KDM5A: variants seen among roughly 807,000 people sequenced by gnomAD.
KDM5A encodes the protein lysine-specific demethylase 5A.
KDM5A carries 42 observed loss-of-function variants against 193.5 expected under a neutral mutation model. That is an observed-to-expected ratio of 0.22 (90% CI 0.17 to 0.28). The LOEUF is 0.28. KDM5A is among the 10% of genes least tolerant of loss of function. The probability of loss-of-function intolerance (pLI) is 1.00; values close to 1 mark genes in which losing one functional copy is unlikely to be tolerated. For missense variants in KDM5A, 1,692 were observed against 2,055.1 expected (o/e 0.82, Z 3.42); for synonymous variants, 796 against 718.1 (o/e 1.11, Z -1.73).
At chr12:336,701 C>A (rs1477819174) in intron 10 of KDM5A, among the ~76,000 whole-genome samples, 7 of 151,680 alleles carry the variant, frequency 4.6e-5, no homozygotes, top group African/African-American at 1.7e-4. Context: ...ATCAGCCAAG[C>A]GTGGTGGTGC....
intron 8 of KDM5A, among the ~76,000 whole-genome samples, chr12:352,683 T>C (rs1378049119): frequency 6.6e-6 from 1 of 152,108 alleles, no homozygotes; most frequent in Non-Finnish European, 1.5e-5. Context: ...AGGAAACAAA[T>C]GTTCATGGAG....
rs1198293084 is a variant in KDM5A at position 283,288 on chromosome 12, CTTAA to C, written c.*2164_*2167del. 3 of 231,874 alleles carry C rather than the reference CTTAA, an allele frequency of 1.3e-5. No homozygotes were observed. The highest frequency in any genetic ancestry group is 6.6e-5 in the African/African-American group (3 of 45,254). The allele number at this position is 231,874 out of a possible 1,614,324, so 14.4% of individuals were successfully genotyped here. On this transcript the variant is annotated 3_prime_UTR_variant, in exon 28 of 28. Coordinates refer to ENST00000399788, the MANE Select transcript of KDM5A (RefSeq NM_001042603.3). ...TGTATAACATCAACCAGAGGAAATT[CTTAA>C]TTGATAATCGTTAGCTTGGCAAAAC...
rs536271734 is a variant in KDM5A at position 288,598 on chromosome 12, A to C, written c.4867-2936T>G. Among the ~76,000 whole-genome samples, 5 of 152,360 alleles carry C rather than the reference A, an allele frequency of 3.3e-5. No individual in the cohort carries two copies. The Middle Eastern group carries it at 0.017, about 518-fold the overall frequency. ...GAGAATAGTACTGCACTGGGAAAAA[A>C]GAAAATCTGGTAATTTAGTGATATT... On this transcript the variant is annotated intron_variant, in intron 27 of 27. Coordinates refer to ENST00000399788, the MANE Select transcript of KDM5A (RefSeq NM_001042603.3).
intron 5 of KDM5A, among the ~76,000 whole-genome samples, chr12:357,338 C>CAAA (rs35804849): frequency 0.78 from 111,683 of 142,392 alleles, 43,768 homozygotes; most frequent in East Asian, 0.91. Flanking sequence ...CCGTTTCTAC[C>CAAA]AAAAAAAAAA....
intron 10 of KDM5A, among the ~76,000 whole-genome samples, chr12:343,303 C>A (rs369791582): frequency 6.6e-6 from 1 of 152,350 alleles, no homozygotes; most frequent in East Asian, 1.9e-4. Flanking sequence ...CACGGCAGCT[C>A]AACAAGGCCT....
chr12:373,004 T>C (rs933356496), intron 3 of KDM5A, among the ~76,000 whole-genome samples: 2 of 152,256 alleles, frequency 1.3e-5, no homozygotes, highest in Non-Finnish European at 2.9e-5. Flanking sequence ...CAGTATTTTA[T>C]TGAAGATTTT....
intron 26 of KDM5A, among the ~76,000 whole-genome samples, chr12:293,380 G>A (rs1419135238): frequency 5.9e-5 from 9 of 152,128 alleles, no homozygotes; most frequent in Non-Finnish European, 1.2e-4. Flanking sequence ...AATGAATAGT[G>A]GTGACAGTTG....
At chr12:301,062 G>C (rs1194636761) in intron 24 of KDM5A, among the ~76,000 whole-genome samples, 1 of 152,156 alleles carries the variant, frequency 6.6e-6, no homozygotes, top group Admixed American at 6.5e-5. Context: ...AAAAAGTCCA[G>C]GACCAGACAG....
intron 10 of KDM5A, among the ~76,000 whole-genome samples, chr12:338,673 C>G (rs1943963151): frequency 6.6e-6 from 1 of 152,198 alleles, no homozygotes; most frequent in Non-Finnish European, 1.5e-5. Flanking sequence ...ACAGTATCAT[C>G]TCAACATGTG....
At chr12:301,842 AT>A (rs1943445500) in intron 24 of KDM5A, among the ~76,000 whole-genome samples, 1 of 151,912 alleles carries the variant, frequency 6.6e-6, no homozygotes, top group Non-Finnish European at 1.5e-5. Flanking sequence ...TATAAAATCA[AT>A]GTGCAAAAAT....
In KDM5A at chr12:316,064, G is replaced by C. The variant is rs144345395; in HGVS notation, c.2897+2042C>G. On this transcript the variant is annotated intron_variant, in intron 19 of 27. Coordinates refer to ENST00000399788, the MANE Select transcript of KDM5A (RefSeq NM_001042603.3). ...AAAACCATTATTTTAGAGGTAGAGAGAAGGCCAAAGGCAAAGGAAGAATCT... is the reference window on the plus strand; with the variant it reads ...AAAACCATTATTTTAGAGGTAGAGACAAGGCCAAAGGCAAAGGAAGAATCT... Among the ~76,000 whole-genome samples, 452 of 152,290 alleles carry C rather than the reference G, an allele frequency of 3.0e-3. 1 individual carries two copies. Among genetic ancestry groups the C allele is most frequent in the African/African-American group, 0.01 (432 of 41,560 alleles).
At chr12:386,176 T>C (rs748333970) in intron 1 of KDM5A, among the ~76,000 whole-genome samples, 3 of 152,206 alleles carry the variant, frequency 2.0e-5, no homozygotes, top group Non-Finnish European at 2.9e-5. Context: ...TCTGAAATGC[T>C]TGGAACCAGA....
chr12:342,695 C>G (rs1404907345), intron 10 of KDM5A, among the ~76,000 whole-genome samples: 1 of 151,492 alleles, frequency 6.6e-6, no homozygotes, highest in Non-Finnish European at 1.5e-5. Flanking sequence ...CTACTGACCT[C>G]AAGTGATTCA....
chr12:312,953 G>GT, intron 20 of KDM5A, 103 bp downstream of exon 20: 1 of 1,276,796 alleles, frequency 7.8e-7, no homozygotes, highest in Non-Finnish European at 1.1e-6. Context: ...GTTAGGGATC[G>GT]TTTGTATTAT....
At chr12:329,246 A>C in intron 13 of KDM5A, 1 of 577,802 alleles carries the variant, frequency 1.7e-6, no homozygotes, top group South Asian at 2.1e-5. Flanking sequence ...CCATAATCTG[A>C]GATGCTAAAT....
intron 22 of KDM5A, among the ~76,000 whole-genome samples, chr12:308,939 T>G (rs1565529107): frequency 6.6e-6 from 1 of 152,164 alleles, no homozygotes. Context: ...ATTTTAACAC[T>G]CATTAAGAGA....
intron 24 of KDM5A, 78 bp downstream of exon 24, chr12:306,868 A>T (rs1591904617): frequency 7.3e-7 from 1 of 1,365,304 alleles, no homozygotes; most frequent in Non-Finnish European, 1.0e-6. Flanking sequence ...CTCAAACATC[A>T]CTGTTCAATA....
chr12:355,094 T>C (rs763926356), intron 7 of KDM5A, 64 bp downstream of exon 7: 7 of 980,290 alleles, frequency 7.1e-6, no homozygotes, highest in African/African-American at 1.6e-5. Context: ...TATATCAGGA[T>C]AGAAAGTGCA....
In KDM5A at chr12:301,161, C is replaced by T. The variant is rs541753578; in HGVS notation, c.4075-3961G>A. ...CCAAACAACAGAAAAAGAGGGAATC[C>T]TCCCTAACTCATTTCATGAGGCCAG... On this transcript the variant is annotated intron_variant, in intron 24 of 27. Transcript: ENST00000399788. 4.3e-4 allele frequency among the ~76,000 whole-genome samples: 66 copies of T among 152,308 alleles called. 1 individual carries two copies. The East Asian group carries it at 0.012, about 28-fold the overall frequency.
Sources: gnomAD v4.1 joint callset for allele counts (sites outside exome capture counted in the v4.1 genomes callset) on GRCh38, gnomAD v4.1.1 for gene constraint, MANE v1.5 for transcripts, NCBI Gene and HGNC (gene_info 2026-07-23, HGNC 2026-07-21) for gene names.